The following CLEC2B variants were observed in gnomAD, a reference collection of about 807,000 sequenced individuals.
CLEC2B encodes C-type (calcium dependent, carbohydrate-recognition domain) lectin, superfamily member 2 (activation-induced).
Under a neutral mutation model 16.2 loss-of-function variants are expected in CLEC2B, and 14 were observed. The ratio of observed to expected loss-of-function variants is 0.86; its 90% CI spans 0.57 to 1.35. The LOEUF (loss-of-function observed/expected upper bound fraction) is 1.35, where lower values mean the gene tolerates loss of function less well. CLEC2B is among the 40% of genes most tolerant of loss of function. The pLI is 0.00. For synonymous variants in CLEC2B, 42 were observed against 55.8 expected (o/e 0.75, Z 1.10); for missense variants, 166 against 182.3 (o/e 0.91, Z 0.52).
chr12:9,866,601 G>A (rs1043832301), intron 1 of CLEC2B, among the ~76,000 whole-genome samples: 1 of 151,974 alleles, frequency 6.6e-6, no homozygotes, highest in African/African-American at 2.4e-5. Flanking sequence ...ATTATTTTGT[G>A]TGTGTTAAGA....
intron 2 of CLEC2B, among the ~76,000 whole-genome samples, chr12:9,857,899 C>T (rs1474848691): frequency 1.3e-5 from 2 of 152,088 alleles, no homozygotes; most frequent in Non-Finnish European, 2.9e-5. Flanking sequence ...AATTATTCTA[C>T]TTGTGTAGGT....
At chr12:9,857,416 A>G in intron 3 of CLEC2B, 58 bp downstream of exon 3, 1 of 1,297,974 alleles carries the variant, frequency 7.7e-7, no homozygotes, top group Non-Finnish European at 1.1e-6. Flanking sequence ...TGGTGTTTGA[A>G]TATTTCTAAT....
chr12:9,859,155 A>C (rs1400588124), intron 2 of CLEC2B, among the ~76,000 whole-genome samples: 1 of 151,938 alleles, frequency 6.6e-6, no homozygotes. Flanking sequence ...TTACAGGAAA[A>C]TTTATTGGCT....
chr12:9,854,052 A>G (rs1411886426), intron 4 of CLEC2B, among the ~76,000 whole-genome samples: 2 of 152,228 alleles, frequency 1.3e-5, no homozygotes, highest in African/African-American at 4.8e-5. Context: ...ATCAGAAAAT[A>G]GTCAACAAAA....
At chr12:9,854,522 A>T in intron 3 of CLEC2B, 38 bp from the exon 4 acceptor site, 1 of 1,332,328 alleles carries the variant, frequency 7.5e-7, no homozygotes, top group Non-Finnish European at 1.1e-6. Context: ...CATACATGCC[A>T]ATTTTTATGA....
At chr12:9,856,725 T>C (rs1472595448) in intron 3 of CLEC2B, among the ~76,000 whole-genome samples, 1 of 152,114 alleles carries the variant, frequency 6.6e-6, no homozygotes, top group East Asian at 1.9e-4. Context: ...TTACCTCTTA[T>C]AATTTCTTTT....
chr12:9,855,294 A>G (rs746749077), intron 3 of CLEC2B, among the ~76,000 whole-genome samples: 1 of 152,112 alleles, frequency 6.6e-6, no homozygotes, highest in African/African-American at 2.4e-5. Context: ...GACTTTTGAC[A>G]TTTCAATACA....
chr12:9,862,576 G>A lies in CLEC2B; in HGVS notation c.-2-3C>T, dbSNP rs1279851905. 2.0e-6 allele frequency: 3 copies of A among 1,466,526 alleles called. No individual in the cohort carries two copies. Among genetic ancestry groups the A allele is most frequent in the Non-Finnish European group, 2.7e-6 (3 of 1,096,654 alleles). The allele number at this position is 1,466,526 out of a possible 1,614,324, so 90.8% of individuals were successfully genotyped here. A position where few individuals can be genotyped will look rare whatever the true frequency, so the allele number is the denominator to read the frequency against. ...CTTTTTATGTTTGGTCATCATACCT[G>A]AAAAATAAAAATAAAGACATTTAGG... is the stretch of plus-strand genomic sequence containing the variant. On this transcript the variant is annotated splice_polypyrimidine_tract_variant and splice_region_variant and intron_variant, in intron 1 of 4. Transcript: ENST00000228438.
chr12:9,862,096 A>G (rs1867936915), intron 2 of CLEC2B, among the ~76,000 whole-genome samples: 1 of 152,126 alleles, frequency 6.6e-6, no homozygotes, highest in African/African-American at 2.4e-5. Flanking sequence ...ATAAAAGGGA[A>G]AAGATACAAA....
Position 9,857,398 on chromosome 12 carries a change from G to T in CLEC2B, c.237+76C>A, listed in dbSNP as rs531345346. On this transcript the variant is annotated intron_variant, in intron 3 of 4. Transcript: ENST00000228438. ...ATAGGCATGAGTGAAAAGACTTCAA[G>T]ATTATAATGGTGTTTGAATATTTCT... 7.1e-5 allele frequency: 80 copies of T among 1,126,800 alleles called. No individual in the cohort carries two copies. The African/African-American group carries it at 1.1e-3, about 16-fold the overall frequency. The allele number at this position is 1,126,800 out of a possible 1,614,324, so 69.8% of individuals were successfully genotyped here.
At chr12:9,868,040 T>C (rs1867985144) in intron 1 of CLEC2B, among the ~76,000 whole-genome samples, 1 of 151,288 alleles carries the variant, frequency 6.6e-6, no homozygotes, top group South Asian at 2.1e-4. Context: ...CTGCCCTAAA[T>C]TACCGCTATT....
chr12:9,863,661 G>A (rs1054625825), intron 1 of CLEC2B, among the ~76,000 whole-genome samples: 2 of 152,078 alleles, frequency 1.3e-5, no homozygotes, highest in South Asian at 2.1e-4. Flanking sequence ...TTGCTGAACC[G>A]AAAATTTTAT....
intron 1 of CLEC2B, among the ~76,000 whole-genome samples, chr12:9,868,036 T>C (rs939801136): frequency 6.6e-6 from 1 of 151,386 alleles, no homozygotes; most frequent in Non-Finnish European, 1.5e-5. Context: ...CACACTGCCC[T>C]AAATTACCGC....
chr12:9,864,322 A>G (rs1192031247), intron 1 of CLEC2B, among the ~76,000 whole-genome samples: 1 of 152,166 alleles, frequency 6.6e-6, no homozygotes, highest in East Asian at 1.9e-4. Flanking sequence ...TTCTTCAACC[A>G]AAAAGAAAAA....
intron 1 of CLEC2B, among the ~76,000 whole-genome samples, chr12:9,863,117 G>T (rs891849046): frequency 6.6e-6 from 1 of 152,084 alleles, no homozygotes; most frequent in Non-Finnish European, 1.5e-5. Context: ...TGTTGCACAG[G>T]TCCCCTGGGC....
chr12:9,858,121 C>T (rs1381171012), intron 2 of CLEC2B, among the ~76,000 whole-genome samples: 1 of 151,978 alleles, frequency 6.6e-6, no homozygotes, highest in Admixed American at 6.6e-5. Flanking sequence ...CCGGTTTAGC[C>T]AATGAATGGA....
chr12:9,862,518 A>C lies in CLEC2B; in HGVS notation c.54T>G (p.Thr18=). ...CFIIVGVLIT[T]NIITLIVKLT... is the part of the protein sequence containing the mutation. Reference sequence around the variant, plus strand: ...ACTTACCTATCAGAGTAATAATATTAGTTGTTATTAAAACACCAACAATTA... The same window carrying C: ...ACTTACCTATCAGAGTAATAATATTCGTTGTTATTAAAACACCAACAATTA... The change falls in exon 2 of 5, where the codon ACT becomes ACG. Residue 18 remains threonine (T), a synonymous_variant. Transcript: ENST00000228438. 1.4e-6 allele frequency: 2 copies of C among 1,458,708 alleles called. No individual in the cohort carries two copies. The highest frequency in any genetic ancestry group is 1.9e-6 in the Non-Finnish European group (2 of 1,080,310). The allele number at this position is 1,458,708 out of a possible 1,614,324, so 90.4% of individuals were successfully genotyped here.
chr12:9,868,725 A>T (rs1398627941), intron 1 of CLEC2B, among the ~76,000 whole-genome samples: 1 of 152,104 alleles, frequency 6.6e-6, no homozygotes, highest in Non-Finnish European at 1.5e-5. Flanking sequence ...ATCTCCATGG[A>T]TATCGGAGTA....
chr12:9,861,325 AC>A (rs1282748668), intron 2 of CLEC2B, among the ~76,000 whole-genome samples: 1 of 152,068 alleles, frequency 6.6e-6, no homozygotes, highest in Non-Finnish European at 1.5e-5. Flanking sequence ...TTATGAAGGT[AC>A]TGAACAGTAT....
Sources: gnomAD v4.1 joint callset for allele counts (sites outside exome capture counted in the v4.1 genomes callset) on GRCh38, gnomAD v4.1.1 for gene constraint, MANE v1.5 for transcripts, NCBI Gene and HGNC (gene_info 2026-07-23, HGNC 2026-07-21) for gene names.